The following DEFB112 variants were observed in gnomAD, a reference collection of about 807,000 sequenced individuals.
The protein encoded by DEFB112 is defensin beta 112.
Under a neutral mutation model 1.1 loss-of-function variants are expected in DEFB112, and 2 were observed. The observed-to-expected ratio is 1.85, with a 90% CI of 0.76 to 5.83. The LOEUF (loss-of-function observed/expected upper bound fraction) is 5.83. Among genes scored for constraint, DEFB112 ranks in the 30% most tolerant of loss-of-function variants. The probability of loss-of-function intolerance (pLI) is 0.05; values close to 1 mark genes in which losing one functional copy is unlikely to be tolerated. For synonymous variants in DEFB112, 40 were observed against 31.2 expected (o/e 1.28, Z -0.93); for missense variants, 120 against 94.4 (o/e 1.27, Z -1.12).
rs1450600583 is a variant in DEFB112 at position 50,042,488 on chromosome 6, T to C, written c.*1087A>G. On this transcript the variant is annotated 3_prime_UTR_variant, in exon 2 of 2. Coordinates refer to ENST00000651554, the MANE Select transcript of DEFB112 (RefSeq NM_001369057.2). ...CATAATTTTAAGTGACTAGCTCCCT[T>C]TTCTTCATGTGGCCTTAGTCCACAG... 6.6e-6 allele frequency among the ~76,000 whole-genome samples: 1 copy of C among 152,056 alleles called. No homozygotes were observed. Among genetic ancestry groups the C allele is most frequent in the Non-Finnish European group, 1.5e-5 (1 of 67,956 alleles).
At chr6:50,048,665 G>A (rs1470343452) in intron 1 of DEFB112, 5 of 1,583,804 alleles carry the variant, frequency 3.2e-6, no homozygotes, top group Middle Eastern at 1.7e-4. Flanking sequence ...AGTGCTAAGA[G>A]GTTGTTAAGA....
At position 50,049,882 on chromosome 6, in the gene DEFB112, C is replaced by A. The variant is rs527461591; in HGVS notation, c.-13G>T. Reference sequence around the variant, plus strand: ...GAAGGATCTTCATTGTAAATGATTTCTTGGTATAAAACAGTGTACAGATCA... The same window carrying A: ...GAAGGATCTTCATTGTAAATGATTTATTGGTATAAAACAGTGTACAGATCA... On this transcript the variant is annotated 5_prime_UTR_variant, in exon 1 of 2. Transcript: ENST00000651554. Among the ~76,000 whole-genome samples, 1 of 152,052 alleles carries A rather than the reference C, an allele frequency of 6.6e-6. No homozygotes were observed. Among genetic ancestry groups the A allele is most frequent in the Admixed American group, 6.6e-5 (1 of 15,258 alleles).
Position 50,043,124 on chromosome 6 carries a change from T to C in DEFB112, c.*451A>G, listed in dbSNP as rs1042085751. Among the ~76,000 whole-genome samples, 1 of 152,032 alleles carries C rather than the reference T, an allele frequency of 6.6e-6. No homozygotes were observed. The highest frequency in any genetic ancestry group is 2.4e-5 in the African/African-American group (1 of 41,446). ...AGAGAGAAAAAGTATAACCAGGAAG[T>C]ATAAGCAATATGAGAAAGTTATGAG... On this transcript the variant is annotated 3_prime_UTR_variant, in exon 2 of 2. Transcript: ENST00000651554.
In DEFB112 at chr6:50,043,663, G is replaced by A. The variant is rs761885308; in HGVS notation, c.197C>T (p.Thr66Ile). The change falls in exon 2 of 2, where the codon ACA (threonine) becomes ATA (isoleucine). Residue 66 changes from threonine (T) to isoleucine (I), a missense_variant. Thr to Ile is a moderately conservative substitution (Grantham distance 89). Coordinates refer to ENST00000651554, the MANE Select transcript of DEFB112 (RefSeq NM_001369057.2). ...ATTTGGGTCCGTAGGGTCACATTCT[G>A]TCACGCAGCAATGAGTTGTAGGTCT... ...CARPTTHCCV[T>I]ECDPTDPNNW... 3.1e-6 allele frequency: 5 copies of A among 1,613,450 alleles called. No individual in the cohort carries two copies. The highest frequency in any genetic ancestry group is 2.2e-5 in the East Asian group (1 of 44,850).
rs929196321 is a variant in DEFB112 at position 50,042,788 on chromosome 6, A to T, written c.*787T>A. On this transcript the variant is annotated 3_prime_UTR_variant, in exon 2 of 2. Coordinates refer to ENST00000651554, the MANE Select transcript of DEFB112 (RefSeq NM_001369057.2). ...GACAAAAATTTCTATAATAGAAATT[A>T]TATGTGTGAGCATGCATACACACAT... Among the ~76,000 whole-genome samples the T allele has an allele frequency of 6.6e-6, 1 of 152,042 alleles. No individual in the cohort carries two copies. The highest frequency in any genetic ancestry group is 2.4e-5 in the African/African-American group (1 of 41,426).
rs1290653765 is a variant in DEFB112, at chr6:50,043,345, A to G, written c.*230T>C. Reference sequence around the variant, plus strand: ...ACTAAACTTAGCGGTCCCATCATGGATTTTCTTCTCCACGCTGCTTCTATT... The same window carrying G: ...ACTAAACTTAGCGGTCCCATCATGGGTTTTCTTCTCCACGCTGCTTCTATT... On this transcript the variant is annotated 3_prime_UTR_variant, in exon 2 of 2. Coordinates refer to ENST00000651554, the MANE Select transcript of DEFB112 (RefSeq NM_001369057.2). Among the ~76,000 whole-genome samples the G allele has an allele frequency of 1.3e-5, 2 of 151,920 alleles. No individual in the cohort carries two copies. The highest frequency in any genetic ancestry group is 2.9e-5 in the Non-Finnish European group (2 of 67,944).
rs555430323 is a variant in DEFB112 at position 50,045,542 on chromosome 6, A to AAT, written c.59-1743_59-1742dup. On this transcript the variant is annotated intron_variant, in intron 1 of 1. Transcript: ENST00000651554. ...ATGTATAAATCTAGATATACACACAAATATATATATACACACATACAAATA... is the reference window on the plus strand; with the variant it reads ...ATGTATAAATCTAGATATACACACAAATATATATATATACACACATACAAATA... Among the ~76,000 whole-genome samples the AAT allele has an allele frequency of 2.4e-4, 37 of 152,202 alleles. 1 individual carries two copies. The East Asian group carries it at 4.8e-3, about 20-fold the overall frequency.
intron 1 of DEFB112, among the ~76,000 whole-genome samples, chr6:50,046,053 A>C (rs1774826610): frequency 6.6e-6 from 1 of 152,090 alleles, no homozygotes; most frequent in Non-Finnish European, 1.5e-5. Context: ...ATGTTAGATG[A>C]TTTTGCCCAA....
intron 1 of DEFB112, among the ~76,000 whole-genome samples, chr6:50,046,774 C>G (rs1020115595): frequency 1.3e-5 from 2 of 152,108 alleles, no homozygotes; most frequent in African/African-American, 4.8e-5. Flanking sequence ...AGCTGATATA[C>G]AAGAACTGAA....
chr6:50,049,384 A>G (rs972499771), intron 1 of DEFB112, among the ~76,000 whole-genome samples: 5 of 152,108 alleles, frequency 3.3e-5, no homozygotes, highest in Non-Finnish European at 5.9e-5. Flanking sequence ...TTAGCAAGAC[A>G]TTTTATCTGA....
In DEFB112 at chr6:50,043,236, C is replaced by T. The variant is rs554724027; in HGVS notation, c.*339G>A. Among the ~76,000 whole-genome samples, 60 of 152,110 alleles carry T rather than the reference C, an allele frequency of 3.9e-4. 1 individual carries two copies. Among genetic ancestry groups the T allele is most frequent in the African/African-American group, 1.3e-3 (54 of 41,550 alleles). On this transcript the variant is annotated 3_prime_UTR_variant, in exon 2 of 2. Transcript: ENST00000651554. ...ATCAACTCTGTCCCCACTCCTGAGTCTCCTCAAAGAATTCTTGATAATACC... is the reference window on the plus strand; with the variant it reads ...ATCAACTCTGTCCCCACTCCTGAGTTTCCTCAAAGAATTCTTGATAATACC...
chr6:50,048,497 T>A, intron 1 of DEFB112: 1 of 1,522,484 alleles, frequency 6.6e-7, no homozygotes, highest in Non-Finnish European at 9.1e-7. Flanking sequence ...AAAGTATTGA[T>A]TAAAATGTGC....
At chr6:50,048,846 A>G (rs1774882259) in intron 1 of DEFB112, among the ~76,000 whole-genome samples, 1 of 152,172 alleles carries the variant, frequency 6.6e-6, no homozygotes. Context: ...TGAATAAATG[A>G]CTTGGCTATT....
chr6:50,044,592 C>G (rs1251628780), intron 1 of DEFB112, among the ~76,000 whole-genome samples: 1 of 152,072 alleles, frequency 6.6e-6, no homozygotes, highest in African/African-American at 2.4e-5. Context: ...AAGTTCTGAT[C>G]TGTAGTTGCA....
intron 1 of DEFB112, among the ~76,000 whole-genome samples, chr6:50,049,340 G>T (rs1279816388): frequency 6.6e-6 from 1 of 152,070 alleles, no homozygotes; most frequent in African/African-American, 2.4e-5. Context: ...AGTGCAGCTT[G>T]TCTCAATTGT....
chr6:50,042,926 G>A lies in DEFB112; in HGVS notation c.*649C>T, dbSNP rs1020556492. ...GGAAACATTAAAAACATGAAACAAAGCAAAACAAAACAAAAAAGTTAATCA... is the reference window on the plus strand; with the variant it reads ...GGAAACATTAAAAACATGAAACAAAACAAAACAAAACAAAAAAGTTAATCA... On this transcript the variant is annotated 3_prime_UTR_variant, in exon 2 of 2. Coordinates refer to ENST00000651554, the MANE Select transcript of DEFB112 (RefSeq NM_001369057.2). 3.3e-5 allele frequency among the ~76,000 whole-genome samples: 5 copies of A among 151,756 alleles called. No individual in the cohort carries two copies. The highest frequency in any genetic ancestry group is 1.2e-4 in the African/African-American group (5 of 41,336).
chr6:50,044,302 GAGA>G (rs903851000), intron 1 of DEFB112, among the ~76,000 whole-genome samples: 1 of 151,980 alleles, frequency 6.6e-6, no homozygotes, highest in African/African-American at 2.4e-5. Flanking sequence ...CCAAGCACAA[GAGA>G]AGTTTTGCTA....
At position 50,043,342 on chromosome 6, in the gene DEFB112, T is replaced by C. The variant is rs1774776131; in HGVS notation, c.*233A>G. On this transcript the variant is annotated 3_prime_UTR_variant, in exon 2 of 2. Transcript: ENST00000651554. ...CTCACTAAACTTAGCGGTCCCATCA[T>C]GGATTTTCTTCTCCACGCTGCTTCT... Among the ~76,000 whole-genome samples, 1 of 152,176 alleles carries C rather than the reference T, an allele frequency of 6.6e-6. No homozygotes were observed. The highest frequency in any genetic ancestry group is 3.4e-3 in the Middle Eastern group (1 of 294).
chr6:50,045,518 T>C (rs1774817065), intron 1 of DEFB112, among the ~76,000 whole-genome samples: 1 of 152,180 alleles, frequency 6.6e-6, no homozygotes, highest in South Asian at 2.1e-4. Context: ...ACATAAAATA[T>C]GTATAAATCT....
Sources: allele counts gnomAD v4.1 joint callset (sites outside exome capture counted in the v4.1 genomes callset), GRCh38; gene constraint gnomAD v4.1.1; transcripts MANE v1.5; gene names NCBI Gene and HGNC (gene_info 2026-07-23, HGNC 2026-07-21).